Variants in DAGLB observed in about 807,000 individuals in gnomAD.
DAGLB encodes diacylglycerol lipase-beta.
A neutral mutation model predicts 72.1 loss-of-function variants in DAGLB; 66 were observed. The observed-to-expected ratio is 0.92, with a 90% confidence interval of 0.75 to 1.12. The LOEUF is 1.12. Ranked by LOEUF, DAGLB falls within the 50% of genes most tolerant of loss-of-function variation. DAGLB has a pLI of 0.00. For missense variants in DAGLB, 1,065 were observed against 884.9 expected, an observed-to-expected ratio of 1.20 and a Z score of -2.58; for synonymous variants, 414 against 359.5, an observed-to-expected ratio of 1.15 and a Z score of -1.71.
intron 2 of DAGLB, among the ~76,000 whole-genome samples, chr7:6,439,823 G>A (rs925581838): frequency 6.6e-6 from 1 of 151,862 alleles, no homozygotes; most frequent in Non-Finnish European, 1.5e-5. Flanking sequence ...AGGGCAAGGC[G>A]GGTGGATCAC....
At chr7:6,427,019 A>C (rs923661085) in intron 6 of DAGLB, among the ~76,000 whole-genome samples, 1 of 152,160 alleles carries the variant, frequency 6.6e-6, no homozygotes, top group African/African-American at 2.4e-5. Flanking sequence ...GAGGCAGGAG[A>C]CTTGCTTGCA....
intron 1 of DAGLB, among the ~76,000 whole-genome samples, chr7:6,446,343 T>G (rs1194557195): frequency 1.6e-4 from 23 of 148,170 alleles, no homozygotes; most frequent in Non-Finnish European, 2.4e-4. Context: ...CTGGGCGTAG[T>G]GGTGCGCACC....
intron 9 of DAGLB, chr7:6,417,387 G>C (rs1321884390): frequency 6.4e-6 from 1 of 156,252 alleles, no homozygotes. Context: ...TCGCACCACT[G>C]GGCAGCAGAG....
intron 5 of DAGLB, among the ~76,000 whole-genome samples, chr7:6,430,925 G>A (rs576818845): frequency 4.6e-5 from 7 of 151,998 alleles, no homozygotes; most frequent in Admixed American, 6.6e-5. Flanking sequence ...ACAGGCACCC[G>A]CCACCACACC....
At chr7:6,410,105 A>G in intron 14 of DAGLB, 25 bp downstream of exon 14, 1 of 1,576,996 alleles carries the variant, frequency 6.3e-7, no homozygotes, top group Non-Finnish European at 8.6e-7. Flanking sequence ...CTGCCTGCCC[A>G]CCACACCCAC....
At position 6,428,762 on chromosome 7, in the gene DAGLB, T is replaced by C. The variant is rs149107661; in HGVS notation, c.929+1718A>G. On this transcript the variant is annotated intron_variant, in intron 6 of 14. Coordinates refer to ENST00000297056, the MANE Select transcript of DAGLB (RefSeq NM_139179.4). The stretch of plus-strand genomic sequence containing the variant: ...TTGGCCTCCCAAAGTGCTGGGATTA[T>C]AGGCATGAGCCACTGCACCTGGTGG... Among the ~76,000 whole-genome samples the C allele has an allele frequency of 9.5e-4, 145 of 152,170 alleles. 1 individual carries two copies. The highest frequency in any genetic ancestry group is 3.3e-3 in the African/African-American group (138 of 41,544).
In DAGLB at chr7:6,434,884, T is replaced by G. The variant is rs757596213; in HGVS notation, c.556A>C (p.Lys186Gln). Residue 186 changes from lysine to glutamine, a missense_variant, in exon 4 of 15, where the codon AAG (lysine) becomes CAG (glutamine). Lys to Gln is a moderately conservative substitution (Grantham distance 53). Transcript: ENST00000297056. ...HDSSQLLNGL[K>Q]TAATSVWETR... is the part of the protein sequence containing the mutation. ...TCCCACACGCTTGTAGCTGCTGTCTTGAGGCCATTAAGTAACTGGCTTGAA... is the reference window on the plus strand; with the variant it reads ...TCCCACACGCTTGTAGCTGCTGTCTGGAGGCCATTAAGTAACTGGCTTGAA... 3 of 1,614,196 alleles carry G rather than the reference T, an allele frequency of 1.9e-6. No individual in the cohort carries two copies. Among genetic ancestry groups the G allele is most frequent in the Admixed American group, 3.3e-5 (2 of 60,010 alleles).
At chr7:6,437,342 T>C (rs1359380292) in intron 2 of DAGLB, among the ~76,000 whole-genome samples, 2 of 152,152 alleles carry the variant, frequency 1.3e-5, no homozygotes, top group East Asian at 1.9e-4. Flanking sequence ...AAACACTTTA[T>C]GTGCGTAGTT....
At chr7:6,438,724 T>G (rs1383065134) in intron 2 of DAGLB, among the ~76,000 whole-genome samples, 2 of 152,222 alleles carry the variant, frequency 1.3e-5, no homozygotes, top group African/African-American at 4.8e-5. Context: ...GGAGTTGCTC[T>G]GATTAAGGTT....
At chr7:6,425,223 C>T (rs1036181555) in intron 7 of DAGLB, among the ~76,000 whole-genome samples, 2 of 152,212 alleles carry the variant, frequency 1.3e-5, no homozygotes, top group African/African-American at 4.8e-5. Flanking sequence ...ATGAGAATCA[C>T]CTGGAGAGAC....
intron 1 of DAGLB, 104 bp downstream of exon 1, chr7:6,447,644 C>T: frequency 2.1e-6 from 3 of 1,441,500 alleles, no homozygotes; most frequent in Non-Finnish European, 2.8e-6. Context: ...GCGCTGGGAC[C>T]GCGACAGTGC....
At chr7:6,413,671 G>A (rs939566713) in intron 11 of DAGLB, among the ~76,000 whole-genome samples, 5 of 151,712 alleles carry the variant, frequency 3.3e-5, no homozygotes, top group Non-Finnish European at 7.4e-5. Flanking sequence ...CAAAAATGAA[G>A]GGGCAGAGGC....
chr7:6,412,800 C>T lies in DAGLB; in HGVS notation c.1569+11G>A, dbSNP rs758284232. 4.4e-6 allele frequency: 7 copies of T among 1,575,056 alleles called. No individual in the cohort carries two copies. The highest frequency in any genetic ancestry group is 6.0e-6 in the Non-Finnish European group (7 of 1,157,638). ...TGTCCTGCTGACCCTCTCAACAAGGCACCCGCTTACCTTGGGTTTATTGCA... is the reference window on the plus strand; with the variant it reads ...TGTCCTGCTGACCCTCTCAACAAGGTACCCGCTTACCTTGGGTTTATTGCA... On this transcript the variant is annotated intron_variant, in intron 13 of 14. Transcript: ENST00000297056.
intron 2 of DAGLB, among the ~76,000 whole-genome samples, chr7:6,443,499 T>C (rs1185316957): frequency 2.6e-5 from 4 of 152,152 alleles, no homozygotes; most frequent in Non-Finnish European, 5.9e-5. Flanking sequence ...CTGTTTTCTA[T>C]GTTACTGTGG....
At chr7:6,410,832 G>A (rs948085453) in intron 13 of DAGLB, among the ~76,000 whole-genome samples, 6 of 151,320 alleles carry the variant, frequency 4.0e-5, no homozygotes, top group Non-Finnish European at 7.4e-5. Context: ...AGCCTACTGA[G>A]TAGCTCGGCT....
At chr7:6,437,125 G>T (rs1015266274) in intron 2 of DAGLB, among the ~76,000 whole-genome samples, 2 of 149,158 alleles carry the variant, frequency 1.3e-5, no homozygotes, top group Admixed American at 1.4e-4. Context: ...CTGCACTCTA[G>T]TCTGGGTGAC....
In DAGLB at chr7:6,447,830, C is replaced by T; in HGVS notation, c.13G>A (p.Val5Ile). 1 of 1,612,106 alleles carries T rather than the reference C, an allele frequency of 6.2e-7. No homozygotes were observed. Among genetic ancestry groups the T allele is most frequent in the South Asian group, 1.1e-5 (1 of 90,722 alleles). ...ATGGCCCAGCGCCGGCCGAAGAGTA[C>T]CATCCCCGGCATGGCGAAGGTCCCG... Reference protein sequence around the residue: MPGMVLFGRRWAIAS... With the variant: MPGMILFGRRWAIAS... Residue 5 changes from valine to isoleucine, a missense_variant, in exon 1 of 15, where the codon GTA becomes ATA. Coordinates refer to ENST00000297056, the MANE Select transcript of DAGLB (RefSeq NM_139179.4).
At chr7:6,445,650 A>G (rs760803209) in intron 2 of DAGLB, 12 of 196,444 alleles carry the variant, frequency 6.1e-5, no homozygotes, top group Non-Finnish European at 9.3e-5. Context: ...AGACGTAGAG[A>G]TGGGGTTCCA....
At position 6,416,880 on chromosome 7, in the gene DAGLB, G is replaced by C; in HGVS notation, c.1260C>G (p.Ile420Met). 1 of 1,614,222 alleles carries C rather than the reference G, an allele frequency of 6.2e-7. No homozygotes were observed. The highest frequency in any genetic ancestry group is 8.5e-7 in the Non-Finnish European group (1 of 1,180,042). The change falls in exon 10 of 15, where the codon ATC (isoleucine) becomes ATG (methionine). Residue 420 changes from isoleucine to methionine, a missense_variant. Physicochemically the swap from Ile to Met is conservative, Grantham distance 10. Transcript: ENST00000297056. The stretch of plus-strand genomic sequence containing the variant: ...AGGCTTGGCTCAAAATCCCGTCGTT[G>C]ATGAGTCGTTGGTAAACGTATCTGG... Reference protein sequence around the residue: ...QAARYVYQRLINDGILSQAFS... With the variant: ...QAARYVYQRLMNDGILSQAFS...
Sources: allele counts gnomAD v4.1 joint callset (sites outside exome capture counted in the v4.1 genomes callset), GRCh38; gene constraint gnomAD v4.1.1; transcripts MANE v1.5; gene names NCBI Gene and HGNC (gene_info 2026-07-23, HGNC 2026-07-21).